LSAMP: variants seen among roughly 807,000 people sequenced by gnomAD.
LSAMP encodes limbic system-associated membrane protein.
A neutral mutation model predicts 38.6 loss-of-function variants in LSAMP; 7 were observed. The ratio of observed to expected loss-of-function variants is 0.18; its 90% confidence interval spans 0.10 to 0.34. The LOEUF (loss-of-function observed/expected upper bound fraction) is 0.34, where lower values mean the gene tolerates loss of function less well. LSAMP is among the 10% of genes least tolerant of loss of function. The pLI is 1.00. For missense variants in LSAMP, 313 were observed against 420.0 expected, an observed-to-expected ratio of 0.75 and a Z score of 2.23; for synonymous variants, 154 against 166.8, an observed-to-expected ratio of 0.92 and a Z score of 0.59.
At chr3:116,172,249 T>C (rs9826725) in intron 1 of LSAMP, among the ~76,000 whole-genome samples, 10,242 of 152,050 alleles carry the variant, frequency 0.067, 452 homozygotes, top group East Asian at 0.09. Flanking sequence ...ATGTAGTTTA[T>C]ATGTTCACAA....
chr3:115,888,179 A>G (rs1353206767), intron 3 of LSAMP, among the ~76,000 whole-genome samples: 1 of 151,986 alleles, frequency 6.6e-6, no homozygotes, highest in Non-Finnish European at 1.5e-5. Flanking sequence ...AGAAAGCAGC[A>G]TAAAAATCAT....
chr3:116,293,338 CTT>C (rs1202282558), intron 1 of LSAMP, among the ~76,000 whole-genome samples: 1 of 152,170 alleles, frequency 6.6e-6, no homozygotes, highest in Non-Finnish European at 1.5e-5. Context: ...AACCTAAAAA[CTT>C]TGCAAATTAT....
intron 1 of LSAMP, among the ~76,000 whole-genome samples, chr3:116,162,804 T>C (rs1488590947): frequency 7.1e-6 from 1 of 140,754 alleles, no homozygotes; most frequent in Non-Finnish European, 1.5e-5. Flanking sequence ...CACACTTTGC[T>C]TTCCAAGGCA....
chr3:115,945,701 A>G (rs1260178640), intron 3 of LSAMP, among the ~76,000 whole-genome samples: 1 of 152,142 alleles, frequency 6.6e-6, no homozygotes, highest in East Asian at 1.9e-4. Context: ...AAACTGAAGG[A>G]AATCAGACCT....
At chr3:116,232,647 C>A (rs1193578996) in intron 1 of LSAMP, among the ~76,000 whole-genome samples, 5 of 146,458 alleles carry the variant, frequency 3.4e-5, no homozygotes, top group Admixed American at 2.1e-4. Flanking sequence ...GAGAAAGAGA[C>A]AATTTAAGGA....
intron 1 of LSAMP, among the ~76,000 whole-genome samples, chr3:116,316,935 A>G (rs2047637263): frequency 6.6e-6 from 1 of 152,080 alleles, no homozygotes; most frequent in Non-Finnish European, 1.5e-5. Flanking sequence ...GTTTTGGATG[A>G]TTTTCAACAG....
chr3:116,059,166 C>T (rs1941547608), intron 2 of LSAMP, among the ~76,000 whole-genome samples: 1 of 151,888 alleles, frequency 6.6e-6, no homozygotes, highest in African/African-American at 2.4e-5. Context: ...ACCTGGCTGG[C>T]TGAAATTACA....
intron 1 of LSAMP, among the ~76,000 whole-genome samples, chr3:116,320,505 C>T (rs1559827082): frequency 2.0e-5 from 3 of 152,108 alleles, no homozygotes; most frequent in Admixed American, 1.3e-4. Context: ...CATGTAACAA[C>T]CGCTGTGAGA....
chr3:116,206,413 C>T (rs984007164), intron 1 of LSAMP, among the ~76,000 whole-genome samples: 2 of 150,170 alleles, frequency 1.3e-5, no homozygotes, highest in Admixed American at 6.7e-5. Flanking sequence ...TTCAGTTCTG[C>T]TCTGATTTTA....
intron 3 of LSAMP, among the ~76,000 whole-genome samples, chr3:115,930,443 G>A (rs1459452709): frequency 6.6e-6 from 1 of 152,052 alleles, no homozygotes; most frequent in African/African-American, 2.4e-5. Flanking sequence ...TGGCTAATTT[G>A]CTACTAGGGA....
At chr3:116,355,704 A>C (rs904578695) in intron 1 of LSAMP, among the ~76,000 whole-genome samples, 2 of 152,324 alleles carry the variant, frequency 1.3e-5, no homozygotes, top group Admixed American at 1.3e-4. Context: ...AGGGATTATA[A>C]CCAGAATATA....
intron 1 of LSAMP, among the ~76,000 whole-genome samples, chr3:116,318,811 A>G (rs1420747496): frequency 6.6e-6 from 1 of 152,236 alleles, no homozygotes; most frequent in Non-Finnish European, 1.5e-5. Context: ...TAAATGCTGT[A>G]AGAGTAGTGA....
chr3:116,164,760 A>ATATTTT lies in LSAMP; in HGVS notation c.156-78205_156-78204insAAAATA, dbSNP rs374542146. Among the ~76,000 whole-genome samples, 170 of 91,586 alleles carry ATATTTT rather than the reference A, an allele frequency of 1.9e-3. 5 individuals carry two copies. Among genetic ancestry groups the ATATTTT allele is most frequent in the Middle Eastern group, 8.2e-3 (1 of 122 alleles). The allele number at this position is 91,586 out of a possible 152,430, so 60.1% of individuals were successfully genotyped here. A position where few individuals can be genotyped will look rare whatever the true frequency, so the allele number is the denominator to read the frequency against. ...TATATATCCATATATATATATATATATTTTTTTTTTTTTTCAAGTAGCATC... is the reference window on the plus strand; with the variant it reads ...TATATATCCATATATATATATATATATATTTTTTTTTTTTTTTTTTCAAGTAGCATC... On this transcript the variant is annotated intron_variant, in intron 1 of 6. Coordinates refer to ENST00000490035, the MANE Select transcript of LSAMP (RefSeq NM_002338.5).
chr3:116,211,883 A>C (rs566601609), intron 1 of LSAMP, among the ~76,000 whole-genome samples: 120 of 152,330 alleles, frequency 7.9e-4, no homozygotes, highest in African/African-American at 2.8e-3. Flanking sequence ...AACATGAGGG[A>C]TGGCCAGCAG....
At position 116,417,797 on chromosome 3, in the gene LSAMP, C is replaced by G. The variant is rs146539903; in HGVS notation, c.155+27080G>C. 9.3e-3 allele frequency among the ~76,000 whole-genome samples: 1,411 copies of G among 151,718 alleles called. 24 individuals carry two copies. The highest frequency in any genetic ancestry group is 0.033 in the African/African-American group (1,339 of 41,026). ...ATGATGACAAGAGGACAGTATAACACTTTTGTGTATCTTTGAGGCTCCATC... is the reference window on the plus strand; with the variant it reads ...ATGATGACAAGAGGACAGTATAACAGTTTTGTGTATCTTTGAGGCTCCATC... On this transcript the variant is annotated intron_variant, in intron 1 of 6. Coordinates refer to ENST00000490035, the MANE Select transcript of LSAMP (RefSeq NM_002338.5).
At chr3:116,018,690 G>T (rs1940552129) in intron 3 of LSAMP, among the ~76,000 whole-genome samples, 1 of 152,146 alleles carries the variant, frequency 6.6e-6, no homozygotes, top group Non-Finnish European at 1.5e-5. Flanking sequence ...TGGTAGAGTA[G>T]AGGAGTATGT....
At chr3:116,251,033 A>G (rs2046674887) in intron 1 of LSAMP, among the ~76,000 whole-genome samples, 1 of 152,228 alleles carries the variant, frequency 6.6e-6, no homozygotes, top group Non-Finnish European at 1.5e-5. Flanking sequence ...CAGAAGGTTA[A>G]CTGTCCATGT....
At chr3:116,432,867 G>A (rs1215539649) in intron 1 of LSAMP, among the ~76,000 whole-genome samples, 1 of 152,028 alleles carries the variant, frequency 6.6e-6, no homozygotes. Flanking sequence ...TCATATTAGT[G>A]CCAAAAGAGA....
intron 3 of LSAMP, among the ~76,000 whole-genome samples, chr3:115,867,685 T>A (rs1935900538): frequency 6.6e-6 from 1 of 152,038 alleles, no homozygotes; most frequent in Non-Finnish European, 1.5e-5. Flanking sequence ...CCACCAGAAT[T>A]GCAAGAGCCT....
Sources: gnomAD v4.1 joint callset for allele counts (sites outside exome capture counted in the v4.1 genomes callset) on GRCh38, gnomAD v4.1.1 for gene constraint, MANE v1.5 for transcripts, NCBI Gene and HGNC (gene_info 2026-07-23, HGNC 2026-07-21) for gene names.